The following RNF115 variants were observed in gnomAD, a reference collection of about 807,000 sequenced individuals.
RNF115 encodes ring finger protein 115.
RNF115 carries 31 observed loss-of-function variants against 39.2 expected under a neutral mutation model. That is an observed-to-expected ratio of 0.79 (90% confidence interval 0.59 to 1.07). RNF115 has a LOEUF of 1.07. Ranked by LOEUF, RNF115 falls within the 50% of genes least tolerant of loss-of-function variation. The probability of loss-of-function intolerance (pLI) is 0.00; values close to 1 mark genes in which losing one functional copy is unlikely to be tolerated. For missense variants in RNF115, 384 were observed against 381.7 expected (o/e 1.01, Z -0.05); for synonymous variants, 124 against 131.0 (o/e 0.95, Z 0.37).
At chr1:145,785,960 G>A in intron 2 of RNF115, among the ~76,000 whole-genome samples, 1 of 152,274 alleles carries the variant, frequency 6.6e-6, no homozygotes, top group South Asian at 2.1e-4. Context: ...TACATTGAGT[G>A]GCTATGTATC....
chr1:145,761,036 C>T (rs1055066785), intron 4 of RNF115, among the ~76,000 whole-genome samples: 2 of 152,168 alleles, frequency 1.3e-5, no homozygotes, highest in Admixed American at 1.3e-4. Flanking sequence ...CATTTTGCCC[C>T]TGCCCTACAG....
intron 4 of RNF115, among the ~76,000 whole-genome samples, chr1:145,765,637 CAG>C (rs1647223742): frequency 1.7e-5 from 2 of 116,404 alleles, no homozygotes; most frequent in East Asian, 3.8e-4. Context: ...GTCACTGAAA[CAG>C]AATACCCTCA....
intron 7 of RNF115, 35 bp downstream of exon 7, chr1:145,750,372 A>G: frequency 6.7e-7 from 1 of 1,484,584 alleles, no homozygotes; most frequent in South Asian, 1.2e-5. Flanking sequence ...AACCGAGATC[A>G]GAAGATGACA....
chr1:145,769,760 TA>T (rs11286047), intron 4 of RNF115, among the ~76,000 whole-genome samples: 42 of 125,582 alleles, frequency 3.3e-4, no homozygotes, highest in African/African-American at 4.3e-4. Context: ...TAAAAATCCT[TA>T]AAAAAAAAAA....
intron 1 of RNF115, among the ~76,000 whole-genome samples, chr1:145,798,515 T>C (rs1553720410): frequency 6.6e-6 from 1 of 152,184 alleles, no homozygotes; most frequent in Non-Finnish European, 1.5e-5. Flanking sequence ...TCTATTCCAT[T>C]GTCTATATGT....
chr1:145,766,494 C>T (rs57831432), intron 4 of RNF115, among the ~76,000 whole-genome samples: 126,825 of 151,778 alleles, frequency 0.84, 53,236 homozygotes, highest in African/African-American at 0.9. Context: ...TGGCCTGTTC[C>T]CAATGAGCTG....
intron 4 of RNF115, among the ~76,000 whole-genome samples, chr1:145,767,269 C>T (rs1263721330): frequency 4.5e-5 from 6 of 131,954 alleles, no homozygotes; most frequent in Non-Finnish European, 8.0e-5. Flanking sequence ...TGTGGCTGCC[C>T]GGCGGAGGAG....
chr1:145,777,287 C>T (rs188784625), intron 3 of RNF115, among the ~76,000 whole-genome samples: 6 of 152,120 alleles, frequency 3.9e-5, no homozygotes, highest in Non-Finnish European at 5.9e-5. Flanking sequence ...GTTCATAATA[C>T]TCTGCTTTGA....
intron 4 of RNF115, among the ~76,000 whole-genome samples, chr1:145,763,110 A>G (rs116603731): frequency 0.023 from 3,543 of 152,316 alleles, 156 homozygotes; most frequent in African/African-American, 0.081. Flanking sequence ...GCATCACACA[A>G]TATACCCGTG....
intron 4 of RNF115, among the ~76,000 whole-genome samples, chr1:145,756,525 GA>G (rs1658300233): frequency 6.6e-6 from 1 of 151,360 alleles, no homozygotes; most frequent in African/African-American, 2.4e-5. Flanking sequence ...CATTCAATTA[GA>G]AAATCGGACT....
rs782790501 is a variant in RNF115, at chr1:145,748,074, T to A, written c.704A>T (p.Tyr235Phe). ...CTGCCGGACTTCCTCTTCAACTGTGTAATCTTCTTTGCATACTGGACACTC... is the reference window on the plus strand; with the variant it reads ...CTGCCGGACTTCCTCTTCAACTGTGAAATCTTCTTTGCATACTGGACACTC... ...GLECPVCKEDYTVEEEVRQLP... is the reference protein window; with the variant it reads ...GLECPVCKEDFTVEEEVRQLP... The change falls in exon 8 of 9, where the codon TAC (tyrosine) becomes TTC (phenylalanine). Residue 235 changes from tyrosine (Y) to phenylalanine (F), a missense_variant. Tyr to Phe is a conservative substitution (Grantham distance 22). Coordinates refer to ENST00000582693, the MANE Select transcript of RNF115 (RefSeq NM_014455.4). 37 of 1,613,538 alleles carry A rather than the reference T, an allele frequency of 2.3e-5. No individual in the cohort carries two copies. The South Asian group carries it at 3.7e-4, about 16-fold the overall frequency.
At chr1:145,775,707 T>C (rs746674657) in intron 3 of RNF115, among the ~76,000 whole-genome samples, 2 of 152,094 alleles carry the variant, frequency 1.3e-5, no homozygotes, top group Non-Finnish European at 2.9e-5. Context: ...AAATATCTTA[T>C]TGTAACCGGG....
intron 1 of RNF115, among the ~76,000 whole-genome samples, chr1:145,808,099 T>G (rs1649535993): frequency 6.6e-6 from 1 of 152,186 alleles, no homozygotes; most frequent in Non-Finnish European, 1.5e-5. Flanking sequence ...ATTCATCCAC[T>G]GATGGATACT....
intron 4 of RNF115, among the ~76,000 whole-genome samples, chr1:145,760,932 G>A: frequency 6.6e-6 from 1 of 152,310 alleles, no homozygotes; most frequent in African/African-American, 2.4e-5. Context: ...GGACAATAAG[G>A]TCCAGGCTGA....
At chr1:145,763,011 A>AG (rs1360646915) in intron 4 of RNF115, among the ~76,000 whole-genome samples, 1 of 152,124 alleles carries the variant, frequency 6.6e-6, no homozygotes, top group Non-Finnish European at 1.5e-5. Context: ...CAAAAGGGAG[A>AG]GGGAGGGAGA....
intron 4 of RNF115, among the ~76,000 whole-genome samples, chr1:145,759,445 G>A (rs975762150): frequency 6.6e-6 from 1 of 151,970 alleles, no homozygotes. Context: ...TTGTTTTCAG[G>A]CCAAAAACCT....
At chr1:145,786,956 G>T in intron 2 of RNF115, 1 of 760,462 alleles carries the variant, frequency 1.3e-6, no homozygotes, top group Non-Finnish European at 2.0e-6. Flanking sequence ...AGAAGCTCCA[G>T]CTTATTTACA....
At chr1:145,766,331 G>C (rs1399889716) in intron 4 of RNF115, among the ~76,000 whole-genome samples, 3 of 152,128 alleles carry the variant, frequency 2.0e-5, no homozygotes, top group African/African-American at 7.2e-5. Flanking sequence ...AGATCAACAG[G>C]ATCCTAAGGC....
rs1184499407 is a variant in RNF115 at position 145,796,231 on chromosome 1, C to CA, written c.103-7266dup. On this transcript the variant is annotated intron_variant, in intron 1 of 8. Coordinates refer to ENST00000582693, the MANE Select transcript of RNF115 (RefSeq NM_014455.4). Reference sequence around the variant, plus strand: ...ATGATTTCCAGCTATGTTAAGGGTCCACCCCTTCACTCTAAGAGCTCAAAA... The same window carrying CA: ...ATGATTTCCAGCTATGTTAAGGGTCCAACCCCTTCACTCTAAGAGCTCAAAA... Among the ~76,000 whole-genome samples the CA allele has an allele frequency of 6.6e-5, 10 of 152,278 alleles. No homozygotes were observed. The East Asian group carries it at 1.5e-3, about 23-fold the overall frequency.
Sources: allele counts gnomAD v4.1 joint callset (sites outside exome capture counted in the v4.1 genomes callset), GRCh38; gene constraint gnomAD v4.1.1; transcripts MANE v1.5; gene names NCBI Gene and HGNC (gene_info 2026-07-23, HGNC 2026-07-21).